The following DLAT variants were observed in gnomAD, a reference collection of about 807,000 sequenced individuals.
The protein encoded by DLAT is dihydrolipoyllysine-residue acetyltransferase component of pyruvate dehydrogenase complex, mitochondrial.
A neutral mutation model predicts 68.0 loss-of-function variants in DLAT; 43 were observed. That is an observed-to-expected ratio of 0.63 (90% CI 0.50 to 0.81). DLAT has a LOEUF of 0.81. Ranked by LOEUF, DLAT falls within the 40% of genes least tolerant of loss-of-function variation. The pLI is 0.00. For synonymous variants in DLAT, 265 were observed against 288.6 expected (o/e 0.92, Z 0.83); for missense variants, 745 against 815.4 (o/e 0.91, Z 1.05).
chr11:112,027,531 T>C (rs1862127397), intron 2 of DLAT, among the ~76,000 whole-genome samples: 2 of 151,756 alleles, frequency 1.3e-5, no homozygotes, highest in African/African-American at 2.4e-5. Flanking sequence ...CTCGGCACTT[T>C]GGGAGGCCAA....
chr11:112,037,196 T>C, intron 5 of DLAT, 77 bp from the exon 6 acceptor site: 1 of 1,398,116 alleles, frequency 7.2e-7, no homozygotes, highest in Non-Finnish European at 1.0e-6. Context: ...AAAATCACTT[T>C]ACTTAAAACT....
chr11:112,034,668 T>G (rs1470917667), intron 5 of DLAT, among the ~76,000 whole-genome samples: 1 of 151,934 alleles, frequency 6.6e-6, no homozygotes, highest in Non-Finnish European at 1.5e-5. Context: ...GGCCTTGATC[T>G]CCTGACCTCG....
intron 2 of DLAT, among the ~76,000 whole-genome samples, chr11:112,027,933 C>CGGAGAG (rs879971191): frequency 4.1e-5 from 6 of 147,812 alleles, no homozygotes; most frequent in East Asian, 2.0e-4. Flanking sequence ...GAGAGGGAGA[C>CGGAGAG]GGAGAGGGAG....
intron 4 of DLAT, 81 bp downstream of exon 4, chr11:112,029,026 GA>G (rs1862254221): frequency 1.3e-6 from 2 of 1,505,626 alleles, no homozygotes; most frequent in Non-Finnish European, 1.8e-6. Flanking sequence ...CTACATCTTG[GA>G]AACTGACATT....
At chr11:112,057,117 A>G (rs1466132066) in intron 11 of DLAT, among the ~76,000 whole-genome samples, 1 of 152,292 alleles carries the variant, frequency 6.6e-6, no homozygotes, top group Admixed American at 6.5e-5. Context: ...TGCCCCATGA[A>G]CCATGCCCAT....
chr11:112,036,202 T>TGTGTGG (rs61074225), intron 5 of DLAT, among the ~76,000 whole-genome samples: 17 of 21,226 alleles, frequency 8.0e-4, no homozygotes, highest in African/African-American at 2.7e-3. Context: ...TGTGTGTGTG[T>TGTGTGG]TTTTTTTTTT....
chr11:112,048,969 ATTTTTT>A (rs34651095), intron 10 of DLAT, among the ~76,000 whole-genome samples: 3 of 93,670 alleles, frequency 3.2e-5, no homozygotes, highest in African/African-American at 4.4e-5. Context: ...TTTTCTCAAG[ATTTTTT>A]TTTTTTTTTT....
chr11:112,044,160 A>C (rs1176123910), intron 8 of DLAT, among the ~76,000 whole-genome samples: 2 of 152,184 alleles, frequency 1.3e-5, no homozygotes, highest in African/African-American at 4.8e-5. Flanking sequence ...AATATTTTAA[A>C]GTACAGTTGA....
Position 112,033,469 on chromosome 11 carries a change from G to C in DLAT, c.726G>C (p.Val242=). Residue 242 remains valine (V), a synonymous_variant, in exon 5 of 14, where the codon GTG becomes GTC. Coordinates refer to ENST00000280346, the MANE Select transcript of DLAT (RefSeq NM_001931.5). The part of the protein sequence containing the change: ...MGTVQRWEKK[V]GEKLSEGDLL... ...CAGTTCAGAGATGGGAAAAAAAAGT[G>C]GGTGAGAAGCTAAGTGAAGGAGACT... 6.2e-7 allele frequency: 1 copy of C among 1,613,934 alleles called. No individual in the cohort carries two copies. The highest frequency in any genetic ancestry group is 1.3e-5 in the African/African-American group (1 of 75,044).
chr11:112,059,773 G>A (rs782071644), intron 11 of DLAT, 130 bp from the exon 12 acceptor site: 1 of 696,314 alleles, frequency 1.4e-6, no homozygotes, highest in Non-Finnish European at 2.3e-6. Flanking sequence ...CTTAATTTTT[G>A]TCTTTGGCTG....
At chr11:112,056,323 T>C (rs1247292671) in intron 11 of DLAT, among the ~76,000 whole-genome samples, 1 of 152,206 alleles carries the variant, frequency 6.6e-6, no homozygotes, top group African/African-American at 2.4e-5. Flanking sequence ...AAAAGATCAC[T>C]CATGCTCATT....
intron 8 of DLAT, among the ~76,000 whole-genome samples, chr11:112,044,587 T>C (rs1397050247): frequency 6.6e-6 from 1 of 152,206 alleles, no homozygotes; most frequent in African/African-American, 2.4e-5. Context: ...AACAAAATTA[T>C]TTTGACACAA....
rs1863190026 is a variant in DLAT at position 112,044,185 on chromosome 11, G to A, written c.1197+652G>A. Reference sequence around the variant, plus strand: ...AGTACAGTTGAATGAGTTGTTTTTGGTGTTTGGTTTTTTTTGTTTGTTTGT... The same window carrying A: ...AGTACAGTTGAATGAGTTGTTTTTGATGTTTGGTTTTTTTTGTTTGTTTGT... On this transcript the variant is annotated intron_variant, in intron 8 of 13. Transcript: ENST00000280346. Among the ~76,000 whole-genome samples the A allele has an allele frequency of 2.0e-5, 3 of 151,980 alleles. No homozygotes were observed. The South Asian group carries it at 6.2e-4, about 32-fold the overall frequency.
At chr11:112,043,683 A>G (rs1863159696) in intron 8 of DLAT, 150 bp downstream of exon 8, 2 of 821,958 alleles carry the variant, frequency 2.4e-6, no homozygotes, top group Non-Finnish European at 4.2e-6. Flanking sequence ...CTCGGTACCC[A>G]TGAGAGGTTG....
At position 112,045,118 on chromosome 11, in the gene DLAT, C is replaced by G. The variant is rs1281574403; in HGVS notation, c.1198-20C>G. On this transcript the variant is annotated intron_variant, in intron 8 of 13. Coordinates refer to ENST00000280346, the MANE Select transcript of DLAT (RefSeq NM_001931.5). ...AAGATTGAATCACAGTTACTAAGAGCTTTTTCTTTCCTCCCATAGGCTCCG... is the reference window on the plus strand; with the variant it reads ...AAGATTGAATCACAGTTACTAAGAGGTTTTTCTTTCCTCCCATAGGCTCCG... 3 of 1,603,132 alleles carry G rather than the reference C, an allele frequency of 1.9e-6. No individual in the cohort carries two copies. In the East Asian group the frequency reaches 6.7e-5, roughly 36 times the overall value.
rs1179087555 is a variant in DLAT at position 112,062,419 on chromosome 11, A to G, written c.1828A>G (p.Ser610Gly). The G allele has an allele frequency of 4.3e-6, 7 of 1,612,422 alleles. No individual in the cohort carries two copies. The East Asian group carries it at 8.9e-5, about 21-fold the overall frequency. ...ATCTTTTTCTAGGTTTGATGTGGCT[A>G]GCATGATGTCTGTTACACTCAGTTG... ...ADNEKGFDVA[S>G]MMSVTLSCDH... Residue 610 changes from serine (S) to glycine (G), a missense_variant, in exon 14 of 14, where the codon AGC becomes GGC. Ser to Gly is a moderately conservative substitution (Grantham distance 56). Transcript: ENST00000280346.
chr11:112,025,781 C>T (rs782345761), intron 1 of DLAT, 30 bp downstream of exon 1: 2 of 1,611,910 alleles, frequency 1.2e-6, no homozygotes, highest in South Asian at 2.2e-5. Context: ...TCTCGGGACC[C>T]CGTTGTCCTT....
intron 10 of DLAT, among the ~76,000 whole-genome samples, chr11:112,048,307 C>A (rs1220186658): frequency 1.3e-5 from 2 of 152,106 alleles, no homozygotes; most frequent in Non-Finnish European, 2.9e-5. Flanking sequence ...GTGATTTTTG[C>A]ACATTGATTT....
chr11:112,045,436 C>T (rs908526283), intron 9 of DLAT, among the ~76,000 whole-genome samples: 8 of 152,240 alleles, frequency 5.3e-5, no homozygotes, highest in Middle Eastern at 3.4e-3. Flanking sequence ...GCCTGTAATC[C>T]CAGCACTTTG....
Sources: allele counts gnomAD v4.1 joint callset (sites outside exome capture counted in the v4.1 genomes callset), GRCh38; gene constraint gnomAD v4.1.1; transcripts MANE v1.5; gene names NCBI Gene and HGNC (gene_info 2026-07-23, HGNC 2026-07-21).